The following CCSER1 variants were observed in gnomAD, a reference collection of about 807,000 sequenced individuals.
CCSER1 encodes coiled-coil serine rich protein 1.
CCSER1 carries 41 observed loss-of-function variants against 82.0 expected under a neutral mutation model. That is an observed-to-expected ratio of 0.50 (90% CI 0.39 to 0.65). The LOEUF (loss-of-function observed/expected upper bound fraction) is 0.65. Ranked by LOEUF, CCSER1 falls within the 30% of genes least tolerant of loss-of-function variation. The probability of loss-of-function intolerance (pLI) is 0.00; values close to 1 mark genes in which losing one functional copy is unlikely to be tolerated. For synonymous variants in CCSER1, 414 were observed against 383.9 expected (o/e 1.08, Z -0.92); for missense variants, 1,119 against 1,064.2 (o/e 1.05, Z -0.72).
chr4:90,379,444 G>A (rs770070637), intron 3 of CCSER1, among the ~76,000 whole-genome samples: 4 of 152,084 alleles, frequency 2.6e-5, no homozygotes, highest in African/African-American at 4.8e-5. Context: ...ATTTTCCCTC[G>A]CGTCAGATAA....
At chr4:90,411,034 AT>A (rs1754690299) in intron 4 of CCSER1, among the ~76,000 whole-genome samples, 2 of 152,242 alleles carry the variant, frequency 1.3e-5, no homozygotes, top group African/African-American at 4.8e-5. Context: ...GAAGAAATGG[AT>A]AAATTCCTGG....
chr4:91,379,245 T>C (rs368997949), intron 10 of CCSER1, among the ~76,000 whole-genome samples: 19,579 of 151,988 alleles, frequency 0.13, 1,424 homozygotes, highest in Middle Eastern at 0.19. Context: ...GGCTTTGGTA[T>C]CAGGATGATG....
chr4:90,828,751 C>T (rs1237133110), intron 8 of CCSER1, among the ~76,000 whole-genome samples: 1 of 152,000 alleles, frequency 6.6e-6, no homozygotes, highest in Admixed American at 6.6e-5. Context: ...GGTCTTTGTT[C>T]TCCTATAGCC....
intron 8 of CCSER1, among the ~76,000 whole-genome samples, chr4:90,922,841 G>A (rs148083707): frequency 4.6e-5 from 7 of 152,200 alleles, no homozygotes; most frequent in South Asian, 2.1e-4. Flanking sequence ...AACCTAGTTC[G>A]TGTATTACTT....
chr4:90,725,976 T>C (rs1743566842), intron 7 of CCSER1, among the ~76,000 whole-genome samples: 1 of 151,976 alleles, frequency 6.6e-6, no homozygotes, highest in Non-Finnish European at 1.5e-5. Flanking sequence ...ATTAATCCTC[T>C]TAACCTCTTA....
At chr4:91,504,381 T>C (rs1341153558) in intron 10 of CCSER1, among the ~76,000 whole-genome samples, 1 of 152,104 alleles carries the variant, frequency 6.6e-6, no homozygotes, top group African/African-American at 2.4e-5. Flanking sequence ...ATTTCCTAAG[T>C]TGACAGAATG....
intron 5 of CCSER1, among the ~76,000 whole-genome samples, chr4:90,484,703 A>C (rs1766698512): frequency 6.6e-6 from 1 of 152,160 alleles, no homozygotes; most frequent in Non-Finnish European, 1.5e-5. Flanking sequence ...GGTGAACCGC[A>C]AATGCTGCTC....
intron 9 of CCSER1, among the ~76,000 whole-genome samples, chr4:90,999,883 T>G (rs1274504244): frequency 1.8e-5 from 1 of 54,122 alleles, no homozygotes; most frequent in African/African-American, 6.3e-5. Flanking sequence ...TCTGAGGTTT[T>G]TTTTTTTTTT....
chr4:91,213,188 A>G (rs1396659533), intron 10 of CCSER1, among the ~76,000 whole-genome samples: 2 of 152,080 alleles, frequency 1.3e-5, no homozygotes, highest in Non-Finnish European at 1.5e-5. Context: ...ACTGGAGATC[A>G]TTACGTCAAG....
At chr4:91,365,272 T>G (rs1460681722) in intron 10 of CCSER1, among the ~76,000 whole-genome samples, 1 of 152,190 alleles carries the variant, frequency 6.6e-6, no homozygotes, top group Non-Finnish European at 1.5e-5. Flanking sequence ...GCATCATACA[T>G]GCATACAAAC....
chr4:91,519,788 G>A (rs1467109484), intron 10 of CCSER1, among the ~76,000 whole-genome samples: 2 of 152,138 alleles, frequency 1.3e-5, no homozygotes, highest in East Asian at 3.9e-4. Context: ...TGTCTTCCAT[G>A]GGTTGAGTTG....
chr4:91,051,080 AACTTC>A (rs1742968124), intron 9 of CCSER1, among the ~76,000 whole-genome samples: 2 of 152,152 alleles, frequency 1.3e-5, no homozygotes, highest in East Asian at 3.9e-4. Context: ...TAAATAGGAA[AACTTC>A]AAGATTTAGA....
chr4:90,224,341 A>G (rs1742727428), intron 1 of CCSER1, among the ~76,000 whole-genome samples: 1 of 152,202 alleles, frequency 6.6e-6, no homozygotes, highest in African/African-American at 2.4e-5. Flanking sequence ...CCTAACAAAC[A>G]TTTGAAGTGA....
chr4:90,622,164 T>A (rs1240650176), intron 5 of CCSER1, among the ~76,000 whole-genome samples: 2 of 152,196 alleles, frequency 1.3e-5, no homozygotes, highest in Admixed American at 6.5e-5. Context: ...AAAATGCATC[T>A]GTGATAAGCA....
chr4:90,743,426 G>A (rs1399419), intron 7 of CCSER1, among the ~76,000 whole-genome samples: 50,266 of 151,982 alleles, frequency 0.33, 9,566 homozygotes, highest in African/African-American at 0.53. Flanking sequence ...ATTAGCAGTC[G>A]GTTTATGTCT....
chr4:90,738,077 T>G (rs1171733501), intron 7 of CCSER1, among the ~76,000 whole-genome samples: 1 of 152,218 alleles, frequency 6.6e-6, no homozygotes, highest in African/African-American at 2.4e-5. Context: ...TATCTCTGTT[T>G]CTCTTCAGCA....
At chr4:91,377,564 T>G (rs1254351157) in intron 10 of CCSER1, among the ~76,000 whole-genome samples, 1 of 152,250 alleles carries the variant, frequency 6.6e-6, no homozygotes, top group African/African-American at 2.4e-5. Context: ...GAAGTGTCTG[T>G]TCATATCCTT....
At chr4:90,988,977 A>C (rs1736809360) in intron 9 of CCSER1, among the ~76,000 whole-genome samples, 1 of 151,822 alleles carries the variant, frequency 6.6e-6, no homozygotes, top group Non-Finnish European at 1.5e-5. Flanking sequence ...AAAATGAAGT[A>C]TTGAACACTG....
intron 10 of CCSER1, among the ~76,000 whole-genome samples, chr4:91,462,816 C>T (rs916804213): frequency 2.6e-5 from 4 of 152,058 alleles, no homozygotes; most frequent in East Asian, 1.9e-4. Flanking sequence ...TGGGGAGGGG[C>T]GCCTGCAATT....
Sources: gnomAD v4.1 joint callset for allele counts (sites outside exome capture counted in the v4.1 genomes callset) on GRCh38, gnomAD v4.1.1 for gene constraint, MANE v1.5 for transcripts, NCBI Gene and HGNC (gene_info 2026-07-23, HGNC 2026-07-21) for gene names.